The following RIMS1 variants were observed in gnomAD, a reference collection of about 807,000 sequenced individuals.
RIMS1 encodes regulating synaptic membrane exocytosis protein 1.
RIMS1 carries 83 observed loss-of-function variants against 214.1 expected under a neutral mutation model. The ratio of observed to expected loss-of-function variants is 0.39; its 90% CI spans 0.32 to 0.47. The LOEUF (loss-of-function observed/expected upper bound fraction) is 0.47, where lower values mean the gene tolerates loss of function less well. RIMS1 is among the 20% of genes least tolerant of loss of function. The pLI is 0.99. For synonymous variants in RIMS1, 793 were observed against 786.8 expected, an observed-to-expected ratio of 1.01 and a Z score of -0.13; for missense variants, 2,050 against 2,161.8, an observed-to-expected ratio of 0.95 and a Z score of 1.03.
At chr6:72,008,691 A>G (rs1808898296) in intron 2 of RIMS1, among the ~76,000 whole-genome samples, 7 of 152,236 alleles carry the variant, frequency 4.6e-5, no homozygotes, top group Admixed American at 4.6e-4. Flanking sequence ...CTAATAAAAC[A>G]GACTGTAAAC....
At position 72,237,748 on chromosome 6, in the gene RIMS1, A is replaced by G; in HGVS notation, c.1858-75A>G. The G allele has an allele frequency of 1.9e-6, 2 of 1,041,598 alleles. 1 individual carries two copies. Among genetic ancestry groups the G allele is most frequent in the South Asian group, 2.7e-5 (2 of 72,810 alleles). The allele number at this position is 1,041,598 out of a possible 1,614,324, so 64.5% of individuals were successfully genotyped here. A position where few individuals can be genotyped will look rare whatever the true frequency, so the allele number is the denominator to read the frequency against. ...TTTCAAGTGTATCATAAAAGAATGTAGGATTAATTCCTCAAACTAATAAGC... is the reference window on the plus strand; with the variant it reads ...TTTCAAGTGTATCATAAAAGAATGTGGGATTAATTCCTCAAACTAATAAGC... On this transcript the variant is annotated intron_variant, in intron 8 of 33. Coordinates refer to ENST00000521978, the MANE Select transcript of RIMS1 (RefSeq NM_014989.7).
At chr6:72,360,478 A>G (rs1272126488) in intron 29 of RIMS1, among the ~76,000 whole-genome samples, 1 of 152,172 alleles carries the variant, frequency 6.6e-6, no homozygotes, top group Non-Finnish European at 1.5e-5. Flanking sequence ...CTGTTATTCA[A>G]TGGATAAATC....
At chr6:71,904,511 AAAGGG>A (rs1340402914) in intron 1 of RIMS1, among the ~76,000 whole-genome samples, 2 of 152,236 alleles carry the variant, frequency 1.3e-5, no homozygotes, top group East Asian at 3.9e-4. Flanking sequence ...GGGCAATTTC[AAAGGG>A]AAGTCTGATA....
intron 1 of RIMS1, among the ~76,000 whole-genome samples, chr6:71,892,284 A>G (rs1276002491): frequency 1.3e-5 from 2 of 152,184 alleles, no homozygotes; most frequent in African/African-American, 4.8e-5. Flanking sequence ...ATGCTTTACA[A>G]ATTTTACTCA....
intron 6 of RIMS1, 84 bp from the exon 7 acceptor site, chr6:72,233,687 CTT>C (rs1303691564): frequency 1.0e-6 from 1 of 982,286 alleles, no homozygotes; most frequent in Non-Finnish European, 1.6e-6. Flanking sequence ...TATTAAAACT[CTT>C]TATAGATCGA....
intron 16 of RIMS1, among the ~76,000 whole-genome samples, chr6:72,256,318 T>C (rs1255466484): frequency 6.6e-6 from 1 of 152,128 alleles, no homozygotes; most frequent in African/African-American, 2.4e-5. Context: ...TCAGTATACT[T>C]TTTGAATTCA....
chr6:72,091,512 T>C (rs560249252), intron 2 of RIMS1, among the ~76,000 whole-genome samples: 1 of 152,370 alleles, frequency 6.6e-6, no homozygotes, highest in East Asian at 1.9e-4. Context: ...TTTGCATTCA[T>C]AGCATGATAT....
At chr6:72,055,309 T>C (rs995944599) in intron 2 of RIMS1, among the ~76,000 whole-genome samples, 1 of 152,212 alleles carries the variant, frequency 6.6e-6, no homozygotes, top group African/African-American at 2.4e-5. Context: ...TATTATTATA[T>C]TTATTTCTCA....
intron 6 of RIMS1, among the ~76,000 whole-genome samples, chr6:72,228,386 A>G (rs1029920253): frequency 4.0e-5 from 6 of 151,896 alleles, no homozygotes; most frequent in African/African-American, 1.4e-4. Flanking sequence ...GATTCCTCAT[A>G]TAATACTACT....
intron 23 of RIMS1, among the ~76,000 whole-genome samples, chr6:72,278,151 TAATCTATCTATCTATC>T (rs977151437): frequency 1.1e-4 from 13 of 121,304 alleles, no homozygotes; most frequent in East Asian, 5.0e-4. Context: ...GAATGGTTTT[TAATCTATCTATCTATC>T]TATCTATCTA....
At chr6:71,910,414 G>A (rs956975154) in intron 1 of RIMS1, among the ~76,000 whole-genome samples, 3 of 152,106 alleles carry the variant, frequency 2.0e-5, no homozygotes, top group African/African-American at 7.2e-5. Context: ...GGATCCCTGG[G>A]CTGAAAAGAG....
chr6:72,121,101 T>A (rs1467927086), intron 4 of RIMS1, among the ~76,000 whole-genome samples: 1 of 151,926 alleles, frequency 6.6e-6, no homozygotes, highest in East Asian at 1.9e-4. Flanking sequence ...CCACCAGCTT[T>A]GTTCTTTTTA....
chr6:72,223,747 A>T (rs903020029), intron 6 of RIMS1, among the ~76,000 whole-genome samples: 13 of 152,104 alleles, frequency 8.5e-5, no homozygotes, highest in African/African-American at 2.9e-4. Flanking sequence ...GGAAATCGAG[A>T]CCATCCTGGC....
chr6:72,151,633 T>C (rs2043603507), intron 4 of RIMS1, among the ~76,000 whole-genome samples: 1 of 152,192 alleles, frequency 6.6e-6, no homozygotes, highest in Non-Finnish European at 1.5e-5. Flanking sequence ...TTGTCACTAA[T>C]TCTTTGTTTT....
chr6:71,915,935 C>T (rs1162630357), intron 1 of RIMS1, among the ~76,000 whole-genome samples: 1 of 151,982 alleles, frequency 6.6e-6, no homozygotes, highest in African/African-American at 2.4e-5. Flanking sequence ...CTTTATAAAA[C>T]CATCAGATCT....
intron 1 of RIMS1, among the ~76,000 whole-genome samples, chr6:71,964,918 C>T (rs80330049): frequency 0.012 from 1,816 of 152,104 alleles, 9 homozygotes; most frequent in Non-Finnish European, 0.018. Context: ...TACAGAGCCC[C>T]TGAAGTCTCT....
intron 29 of RIMS1, among the ~76,000 whole-genome samples, chr6:72,356,001 C>A (rs2097626000): frequency 6.6e-6 from 1 of 152,108 alleles, no homozygotes; most frequent in African/African-American, 2.4e-5. Flanking sequence ...TATTGTATAT[C>A]ATCATTGACG....
intron 29 of RIMS1, among the ~76,000 whole-genome samples, chr6:72,372,795 A>T (rs1253001532): frequency 1.3e-5 from 2 of 152,232 alleles, no homozygotes; most frequent in African/African-American, 4.8e-5. Flanking sequence ...GCCAGGTTGC[A>T]TGACCTGTTA....
At chr6:72,381,263 A>G (rs944237990) in intron 29 of RIMS1, among the ~76,000 whole-genome samples, 2 of 152,006 alleles carry the variant, frequency 1.3e-5, no homozygotes, top group African/African-American at 2.4e-5. Context: ...CACCAGTCAA[A>G]TTGGATTAGG....
Sources: allele counts gnomAD v4.1 joint callset (sites outside exome capture counted in the v4.1 genomes callset), GRCh38; gene constraint gnomAD v4.1.1; transcripts MANE v1.5; gene names NCBI Gene and HGNC (gene_info 2026-07-23, HGNC 2026-07-21).